Variants in USP7 observed in about 807,000 individuals in gnomAD.
The protein encoded by USP7 is ubiquitin C-terminal hydrolase 7.
A neutral mutation model predicts 162.9 loss-of-function variants in USP7; 9 were observed. The observed-to-expected ratio is 0.06, with a 90% confidence interval of 0.03 to 0.10. The LOEUF (loss-of-function observed/expected upper bound fraction) is 0.10, where lower values mean the gene tolerates loss of function less well. Ranked by LOEUF, USP7 falls within the 10% of genes least tolerant of loss-of-function variation. USP7 has a pLI of 1.00. For missense variants in USP7, 715 were observed against 1,373.7 expected, an observed-to-expected ratio of 0.52 and a Z score of 7.58; for synonymous variants, 562 against 475.9, an observed-to-expected ratio of 1.18 and a Z score of -2.35.
chr16:8,897,151 G>C (rs2061694371), intron 25 of USP7, 52 bp from the exon 26 acceptor site: 1 of 1,383,204 alleles, frequency 7.2e-7, no homozygotes, highest in Non-Finnish European at 1.0e-6. Context: ...TAAAAGGTCT[G>C]CTACCACAAA....
In USP7 at chr16:8,902,125, C is replaced by G; in HGVS notation, c.2004G>C (p.Glu668Asp). 1 of 1,614,234 alleles carries G rather than the reference C, an allele frequency of 6.2e-7. No individual in the cohort carries two copies. Among genetic ancestry groups the G allele is most frequent in the South Asian group, 1.1e-5 (1 of 91,088 alleles). The change falls in exon 18 of 31, where the codon GAG (glutamate) becomes GAC (aspartate). Residue 668 changes from glutamate to aspartate, a missense_variant. Physicochemically the swap from Glu to Asp is conservative, Grantham distance 45. Transcript: ENST00000344836. ...GTAAGGTCGCTCCACTAGCAGCCAGCTCGGGATCAACTGTTTCCAGGAATA... is the reference window on the plus strand; with the variant it reads ...GTAAGGTCGCTCCACTAGCAGCCAGGTCGGGATCAACTGTTTCCAGGAATA... Reference protein sequence around the residue: ...WTIFLETVDPELAASGATLPK... With the variant: ...WTIFLETVDPDLAASGATLPK...
At chr16:8,953,203 G>T (rs147593249) in intron 1 of USP7, among the ~76,000 whole-genome samples, 2 of 151,960 alleles carry the variant, frequency 1.3e-5, no homozygotes, top group African/African-American at 2.4e-5. Flanking sequence ...CCCCCTCCCC[G>T]CGGTAAGCCA....
intron 25 of USP7, among the ~76,000 whole-genome samples, chr16:8,897,726 A>AAAATATATATATATATATATAT (rs1555461671): frequency 1.4e-4 from 1 of 7,136 alleles, no homozygotes; most frequent in African/African-American, 5.6e-4. Flanking sequence ...AAAAAAAAAA[A>AAAATATATATATATATATATAT]ATATATATAT....
chr16:8,941,188 C>T (rs1208170723), intron 1 of USP7, among the ~76,000 whole-genome samples: 2 of 152,212 alleles, frequency 1.3e-5, no homozygotes, highest in African/African-American at 4.8e-5. Flanking sequence ...CCCTCACGCC[C>T]TCTGTGCCTG....
At chr16:8,902,757 G>A (rs556291416) in intron 16 of USP7, among the ~76,000 whole-genome samples, 3 of 152,106 alleles carry the variant, frequency 2.0e-5, no homozygotes, top group African/African-American at 7.2e-5. Flanking sequence ...GCCTGGTGAC[G>A]GGTGCCTGTA....
intron 2 of USP7, among the ~76,000 whole-genome samples, chr16:8,925,763 C>T (rs1185786298): frequency 2.0e-5 from 3 of 152,224 alleles, no homozygotes; most frequent in Admixed American, 6.5e-5. Flanking sequence ...TTAGAACAGA[C>T]TTATCAAATC....
At chr16:8,894,444 G>A in intron 30 of USP7, 106 bp downstream of exon 30, 6 of 1,127,664 alleles carry the variant, frequency 5.3e-6, no homozygotes, top group Non-Finnish European at 7.6e-6. Flanking sequence ...GGCCAGTGGA[G>A]AGAGAGGAGC....
At chr16:8,932,344 C>A (rs112547349) in intron 1 of USP7, among the ~76,000 whole-genome samples, 1 of 152,136 alleles carries the variant, frequency 6.6e-6, no homozygotes, top group South Asian at 2.1e-4. Context: ...GATGGGAGAA[C>A]TGCTTGAGCC....
intron 26 of USP7, among the ~76,000 whole-genome samples, chr16:8,896,784 T>C (rs1329073422): frequency 6.6e-6 from 1 of 152,204 alleles, no homozygotes; most frequent in East Asian, 1.9e-4. Flanking sequence ...CCACAGCGGC[T>C]TGAGGGTTAC....
In USP7 at chr16:8,945,032, A is replaced by T. The variant is rs533276283; in HGVS notation, c.80-14635T>A. 3.9e-5 allele frequency among the ~76,000 whole-genome samples: 6 copies of T among 152,256 alleles called. No homozygotes were observed. In the East Asian group the frequency reaches 1.2e-3, roughly 29 times the overall value. ...TTTGGGAGACCAAGGCAGATGAAAG[A>T]CCTGAGGTCAGGAGTTCAAGACCAG... On this transcript the variant is annotated intron_variant, in intron 1 of 30. Transcript: ENST00000344836.
At chr16:8,938,209 A>G (rs931585457) in intron 1 of USP7, among the ~76,000 whole-genome samples, 2 of 152,152 alleles carry the variant, frequency 1.3e-5, no homozygotes, top group Non-Finnish European at 2.9e-5. Flanking sequence ...TTAAATATGG[A>G]TATTCCCAAA....
At chr16:8,931,420 C>CA (rs1012683596) in intron 1 of USP7, among the ~76,000 whole-genome samples, 1 of 152,202 alleles carries the variant, frequency 6.6e-6, no homozygotes, top group African/African-American at 2.4e-5. Context: ...CTCCTGGCCT[C>CA]AAGTGATCCA....
chr16:8,926,189 A>G (rs1399521186), intron 2 of USP7, among the ~76,000 whole-genome samples: 1 of 148,498 alleles, frequency 6.7e-6, no homozygotes, highest in Non-Finnish European at 1.5e-5. Flanking sequence ...CTAAAAAACA[A>G]AAGGTCGGCC....
intron 1 of USP7, among the ~76,000 whole-genome samples, chr16:8,940,943 A>C (rs935967588): frequency 6.6e-5 from 10 of 152,144 alleles, no homozygotes; most frequent in Non-Finnish European, 1.2e-4. Context: ...TCATAATAGG[A>C]TACAATAAAG....
intron 3 of USP7, among the ~76,000 whole-genome samples, chr16:8,921,742 C>T (rs1430430602): frequency 6.6e-6 from 1 of 152,124 alleles, no homozygotes; most frequent in African/African-American, 2.4e-5. Context: ...GCTGTCCTGC[C>T]CCGGCATCGA....
At chr16:8,943,140 T>A (rs1419192053) in intron 1 of USP7, among the ~76,000 whole-genome samples, 1 of 152,154 alleles carries the variant, frequency 6.6e-6, no homozygotes, top group Non-Finnish European at 1.5e-5. Context: ...TAATATGTGA[T>A]CCTTAAATAA....
At chr16:8,921,510 C>A (rs1413913987) in intron 3 of USP7, among the ~76,000 whole-genome samples, 5 of 152,200 alleles carry the variant, frequency 3.3e-5, no homozygotes, top group Non-Finnish European at 1.5e-5. Flanking sequence ...TGATTTCACT[C>A]ATGGTTTCAT....
At chr16:8,927,264 G>A (rs1043049913) in intron 2 of USP7, among the ~76,000 whole-genome samples, 3 of 151,392 alleles carry the variant, frequency 2.0e-5, no homozygotes, top group Non-Finnish European at 4.4e-5. Context: ...AGAGGGTGAG[G>A]TGAACCGAGA....
intron 1 of USP7, chr16:8,936,649 TG>T: frequency 1.3e-6 from 2 of 1,553,774 alleles, no homozygotes; most frequent in South Asian, 1.2e-5. Context: ...TGCTGGGGGA[TG>T]GGGGAGGTTC....
Sources: gnomAD v4.1 joint callset for allele counts (sites outside exome capture counted in the v4.1 genomes callset) on GRCh38, gnomAD v4.1.1 for gene constraint, MANE v1.5 for transcripts, NCBI Gene and HGNC (gene_info 2026-07-23, HGNC 2026-07-21) for gene names.